The following CETN3 variants were observed in gnomAD, a reference collection of about 807,000 sequenced individuals.
CETN3 encodes centrin-3.
CETN3 carries 17 observed loss-of-function variants against 20.1 expected under a neutral mutation model. The observed-to-expected ratio is 0.85, with a 90% CI of 0.58 to 1.27. The LOEUF (loss-of-function observed/expected upper bound fraction) is 1.27, where lower values mean the gene tolerates loss of function less well. CETN3 is among the 50% of genes most tolerant of loss of function. CETN3 has a pLI of 0.00. For synonymous variants in CETN3, 52 were observed against 59.7 expected, an observed-to-expected ratio of 0.87 and a Z score of 0.59; for missense variants, 169 against 191.2, an observed-to-expected ratio of 0.88 and a Z score of 0.69.
chr5:90,396,553 T>A, intron 4 of CETN3: 3 of 1,533,104 alleles, frequency 2.0e-6, no homozygotes, highest in Non-Finnish European at 2.6e-6. Flanking sequence ...AGCAAGAGTA[T>A]GTTCTTAAGA....
rs541037864 is a variant in CETN3, at chr5:90,405,673, T to C, written c.268+12A>G. The C allele has an allele frequency of 8.9e-5, 135 of 1,510,950 alleles. No individual in the cohort carries two copies. In the South Asian group the frequency reaches 1.5e-3, roughly 16 times the overall value. 93.6% of individuals were successfully genotyped at this position (1,510,950 alleles called of 1,614,324 possible). On this transcript the variant is annotated intron_variant, in intron 3 of 4. Coordinates refer to ENST00000283122, the MANE Select transcript of CETN3 (RefSeq NM_004365.4). ...AACAGCTGCTGATTACAAAGACTATTAAAATACACACCAACTTCATTAAAA... is the reference window on the plus strand; with the variant it reads ...AACAGCTGCTGATTACAAAGACTATCAAAATACACACCAACTTCATTAAAA...
At position 90,407,804 on chromosome 5, in the gene CETN3, CCT is replaced by C. The variant is rs1320133211; in HGVS notation, c.46_47del (p.Arg16GlufsTer8). ...CCTCAGACAGTTCTCTTCTTTTTTT[CCT>C]CTTTGTTTTGTCCACTACAAGCTCA... ...RSELVVDKTK[R>X]KKRRELSEEQ... On this transcript the variant is annotated frameshift_variant, in exon 2 of 5. Coordinates refer to ENST00000283122, the MANE Select transcript of CETN3 (RefSeq NM_004365.4). LOFTEE classifies it high-confidence loss of function. 7.5e-6 allele frequency: 12 copies of C among 1,598,872 alleles called. No individual in the cohort carries two copies. The highest frequency in any genetic ancestry group is 5.1e-6 in the Non-Finnish European group (6 of 1,172,734).
At position 90,407,722 on chromosome 5, in the gene CETN3, C is replaced by A; in HGVS notation, c.130G>T (p.Ala44Ser). Residue 44 changes from alanine to serine, a missense_variant, in exon 2 of 5, where the codon GCA becomes TCA. Physicochemically the swap from Ala to Ser is moderately conservative, Grantham distance 99. Transcript: ENST00000283122. Reference protein sequence around the residue: ...FELFDTDKDEAIDYHELKVAM... With the variant: ...FELFDTDKDESIDYHELKVAM... ...ACCTTTAATTCATGATAATCTATTG[C>A]TTCATCTTTGTCTGTATCAAATAGT... 1 of 1,548,042 alleles carries A rather than the reference C, an allele frequency of 6.5e-7. No homozygotes were observed. Among genetic ancestry groups the A allele is most frequent in the Non-Finnish European group, 8.8e-7 (1 of 1,136,642 alleles).
chr5:90,405,532 A>T (rs1356245156), intron 3 of CETN3, 153 bp downstream of exon 3: 44 of 572,948 alleles, frequency 7.7e-5, no homozygotes, highest in Non-Finnish European at 3.0e-6. Context: ...CTTTGAAAAA[A>T]AAACCAACAA....
intron 4 of CETN3, chr5:90,396,412 AG>A: frequency 6.8e-7 from 1 of 1,460,896 alleles, no homozygotes; most frequent in Non-Finnish European, 9.0e-7. Context: ...TGAATATCTT[AG>A]GAAAGCTATG....
chr5:90,407,080 A>G (rs992094333), intron 2 of CETN3, among the ~76,000 whole-genome samples: 1 of 152,076 alleles, frequency 6.6e-6, no homozygotes, highest in Non-Finnish European at 1.5e-5. Flanking sequence ...AAAATCTCAA[A>G]ATACTATCTT....
At chr5:90,407,905 A>C (rs1266945941) in intron 1 of CETN3, 71 bp from the exon 2 acceptor site, 1 of 1,291,928 alleles carries the variant, frequency 7.7e-7, no homozygotes, top group Non-Finnish European at 1.0e-6. Context: ...GCCAATAATT[A>C]CCTTCTAAAT....
chr5:90,397,468 T>C (rs937308831), intron 4 of CETN3, among the ~76,000 whole-genome samples: 3 of 152,098 alleles, frequency 2.0e-5, no homozygotes, highest in Non-Finnish European at 4.4e-5. Context: ...AACCATTTCA[T>C]AGAGCAAATC....
intron 4 of CETN3, among the ~76,000 whole-genome samples, chr5:90,397,569 C>G (rs1749164201): frequency 6.6e-6 from 1 of 152,066 alleles, no homozygotes; most frequent in South Asian, 2.1e-4. Context: ...AAAAGCAAAT[C>G]TTAGAATTGG....
At position 90,407,791 on chromosome 5, in the gene CETN3, C is replaced by T. The variant is rs976598568; in HGVS notation, c.61G>A (p.Glu21Lys). The change falls in exon 2 of 5, where the codon GAA becomes AAA. Residue 21 changes from glutamate to lysine, a missense_variant. Glu to Lys is a moderately conservative substitution (Grantham distance 56). Transcript: ENST00000283122. ...TCTTGTTTCTGTTCCTCAGACAGTT[C>T]TCTTCTTTTTTTCCTCTTTGTTTTG... Reference protein sequence around the residue: ...VDKTKRKKRRELSEEQKQEIK... With the variant: ...VDKTKRKKRRKLSEEQKQEIK... 1.1e-5 allele frequency: 17 copies of T among 1,602,162 alleles called. No individual in the cohort carries two copies. The highest frequency in any genetic ancestry group is 1.7e-6 in the Non-Finnish European group (2 of 1,174,098).
At chr5:90,398,978 T>G (rs1267460121) in intron 4 of CETN3, 1 of 333,640 alleles carries the variant, frequency 3.0e-6, no homozygotes, top group Non-Finnish European at 5.5e-6. Flanking sequence ...CATTCCTAAC[T>G]AGAAATTAGG....
intron 4 of CETN3, chr5:90,396,653 T>A: frequency 1.1e-6 from 1 of 927,860 alleles, no homozygotes; most frequent in Non-Finnish European, 1.5e-6. Flanking sequence ...ATTAAAATAT[T>A]CAAAATCCAA....
intron 3 of CETN3, among the ~76,000 whole-genome samples, chr5:90,402,054 G>A (rs1418130885): frequency 6.6e-6 from 1 of 151,966 alleles, no homozygotes; most frequent in African/African-American, 2.4e-5. Context: ...ATCTCACTTT[G>A]TTGCCCCAGC....
intron 2 of CETN3, among the ~76,000 whole-genome samples, chr5:90,406,853 A>AC (rs1396340045): frequency 7.3e-6 from 1 of 137,668 alleles, no homozygotes; most frequent in Non-Finnish European, 1.5e-5. Context: ...AAAAAAAAAA[A>AC]AACAAAAAAA....
intron 3 of CETN3, among the ~76,000 whole-genome samples, chr5:90,404,868 G>GAA (rs375642418): frequency 1.6e-5 from 2 of 122,228 alleles, no homozygotes; most frequent in African/African-American, 5.8e-5. Context: ...TTGGTTTAGA[G>GAA]AAAAAAAAAA....
At position 90,405,815 on chromosome 5, in the gene CETN3, G is replaced by C. The variant is rs774460145; in HGVS notation, c.154-16C>G. The C allele has an allele frequency of 1.4e-5, 21 of 1,509,866 alleles. No individual in the cohort carries two copies. Among genetic ancestry groups the C allele is most frequent in the Non-Finnish European group, 1.8e-5 (20 of 1,096,622 alleles). 93.5% of individuals were successfully genotyped at this position (1,509,866 alleles called of 1,614,324 possible). Reference sequence around the variant, plus strand: ...TCATTGCCACCTTTTGGATTAAAAAGGAAAAGCAAATTATAAAGCACTCTT... The same window carrying C: ...TCATTGCCACCTTTTGGATTAAAAACGAAAAGCAAATTATAAAGCACTCTT... On this transcript the variant is annotated splice_polypyrimidine_tract_variant and intron_variant, in intron 2 of 4. Transcript: ENST00000283122.
intron 3 of CETN3, chr5:90,405,296 A>G: frequency 5.1e-6 from 1 of 197,840 alleles, no homozygotes; most frequent in Non-Finnish European, 1.0e-5. Context: ...ATCACATACC[A>G]GAAAGGTCTT....
intron 4 of CETN3, among the ~76,000 whole-genome samples, chr5:90,397,188 A>C (rs1010437615): frequency 2.6e-5 from 4 of 152,104 alleles, no homozygotes; most frequent in African/African-American, 9.6e-5. Context: ...AACCCAAGAA[A>C]GTAAAAATTA....
intron 1 of CETN3, among the ~76,000 whole-genome samples, chr5:90,408,800 C>CAAAAAAAAAA (rs74585512): frequency 1.0e-5 from 1 of 96,264 alleles, no homozygotes; most frequent in African/African-American, 3.9e-5. Context: ...CTGAAAGCTC[C>CAAAAAAAAAA]AAAAAAAAAA....
Sources: allele counts gnomAD v4.1 joint callset (sites outside exome capture counted in the v4.1 genomes callset), GRCh38; gene constraint gnomAD v4.1.1; transcripts MANE v1.5; gene names NCBI Gene and HGNC (gene_info 2026-07-23, HGNC 2026-07-21).